Variants in CEP104 observed in about 807,000 individuals in gnomAD.
CEP104 encodes the protein centrosomal protein of 104 kDa.
In CEP104, 84 loss-of-function variants were observed where a neutral mutation model predicts 113.3. The ratio of observed to expected loss-of-function variants is 0.74; its 90% CI spans 0.62 to 0.89. The LOEUF (loss-of-function observed/expected upper bound fraction) is 0.89. Among genes scored for constraint, CEP104 ranks in the 40% least tolerant of loss-of-function variants. CEP104 has a pLI of 0.00. For missense variants in CEP104, 1,053 were observed against 1,156.6 expected (o/e 0.91, Z 1.30); for synonymous variants, 378 against 421.7 (o/e 0.90, Z 1.27).
intron 15 of CEP104, among the ~76,000 whole-genome samples, chr1:3,827,722 G>A (rs1318525625): frequency 1.3e-5 from 2 of 152,226 alleles, no homozygotes; most frequent in East Asian, 1.9e-4. Flanking sequence ...ATTCTCCTGG[G>A]AGAGGCCTTC....
intron 4 of CEP104, among the ~76,000 whole-genome samples, chr1:3,846,460 T>C (rs1251545900): frequency 2.6e-5 from 4 of 152,220 alleles, no homozygotes; most frequent in African/African-American, 9.6e-5. Flanking sequence ...TTTAGATAGT[T>C]ACTGCTTTTA....
chr1:3,823,706 G>C lies in CEP104; in HGVS notation c.2365-144C>G. The C allele has an allele frequency of 1.0e-6, 1 of 955,066 alleles. No homozygotes were observed. The highest frequency in any genetic ancestry group is 2.5e-5 in the East Asian group (1 of 40,592). 59.2% of individuals were successfully genotyped at this position (955,066 alleles called of 1,614,324 possible). On this transcript the variant is annotated intron_variant, in intron 18 of 21. Transcript: ENST00000378230. The surrounding 1 kb of genome is among the most constrained non-coding windows in gnomAD (Gnocchi z 4.1). Reference sequence around the variant, plus strand: ...AAGTAAGCCACAGGCTTCTATCTTCGGCATTTGCCCACAGACTGTCTGGAG... The same window carrying C: ...AAGTAAGCCACAGGCTTCTATCTTCCGCATTTGCCCACAGACTGTCTGGAG...
intron 4 of CEP104, 37 bp from the exon 5 acceptor site, chr1:3,845,388 A>G: frequency 1.4e-6 from 2 of 1,387,266 alleles, no homozygotes; most frequent in Non-Finnish European, 2.0e-6. Context: ...TAAATATACA[A>G]TGTTTGAAAT....
chr1:3,851,510 T>C (rs1644610737), intron 2 of CEP104, among the ~76,000 whole-genome samples: 1 of 151,262 alleles, frequency 6.6e-6, no homozygotes, highest in Non-Finnish European at 1.5e-5. Context: ...TGGGATGGGG[T>C]GGAGGGTGGG....
rs188052979 is a variant in CEP104 at position 3,842,281 on chromosome 1, C to T, written c.567-2505G>A. On this transcript the variant is annotated intron_variant, in intron 6 of 21. Coordinates refer to ENST00000378230, the MANE Select transcript of CEP104 (RefSeq NM_014704.4). ...TTTTTTAGTAGAGACGGGGTTTCAC[C>T]GTGTTAGCCAGGATGGTCTCGATCT... Among the ~76,000 whole-genome samples the T allele has an allele frequency of 3.2e-3, 487 of 152,252 alleles. 4 individuals are homozygous for T. Among genetic ancestry groups the T allele is most frequent in the Middle Eastern group, 0.027 (8 of 294 alleles).
At chr1:3,834,878 G>T in intron 11 of CEP104, 47 bp downstream of exon 11, 2 of 1,532,380 alleles carry the variant, frequency 1.3e-6, no homozygotes, top group Non-Finnish European at 1.8e-6. Flanking sequence ...TACGGCGCAT[G>T]ATCTCATCCA....
rs1273336719 is a variant in CEP104, at chr1:3,856,451, CAAACA to C, written c.-15+433_-15+437del. On this transcript the variant is annotated intron_variant, in intron 1 of 21. Transcript: ENST00000378230. ...CTTCAGAGAAATCTGAACTTAAGTG[CAAACA>C]AAACAAAACAAACTCCAAAACAAAA... 2.0e-5 allele frequency among the ~76,000 whole-genome samples: 3 copies of C among 152,326 alleles called. No individual in the cohort carries two copies. The East Asian group carries it at 5.8e-4, about 29-fold the overall frequency.
At chr1:3,834,648 C>T (rs565159530) in intron 11 of CEP104, among the ~76,000 whole-genome samples, 29 of 152,374 alleles carry the variant, frequency 1.9e-4, no homozygotes, top group African/African-American at 6.0e-4. Context: ...TAGGCCTCTA[C>T]AAACGCCTGG....
At chr1:3,834,293 TGG>T (rs1404930183) in intron 11 of CEP104, among the ~76,000 whole-genome samples, 6 of 151,670 alleles carry the variant, frequency 4.0e-5, no homozygotes, top group Non-Finnish European at 8.8e-5. Flanking sequence ...CCTGCTTCAA[TGG>T]GTAAGCCCAA....
At position 3,826,869 on chromosome 1, in the gene CEP104, T is replaced by TG. The variant is rs5772126; in HGVS notation, c.2152-126dup. On this transcript the variant is annotated intron_variant, in intron 15 of 21. Coordinates refer to ENST00000378230, the MANE Select transcript of CEP104 (RefSeq NM_014704.4). ...GTTTTGTTTTAGAATTTCTACTGGC[T>TG]GGCAAGGTGGCTCATGCCCGTAATC... 857,607 of 985,762 alleles carry TG rather than the reference T, an allele frequency of 0.87. 376,182 individuals are homozygous for TG. The highest frequency in any genetic ancestry group is 0.98 in the African/African-American group (60,177 of 61,654). The allele number at this position is 985,762 out of a possible 1,614,324, so 61.1% of individuals were successfully genotyped here.
chr1:3,854,356 G>A (rs764927530), intron 1 of CEP104, among the ~76,000 whole-genome samples: 4 of 152,092 alleles, frequency 2.6e-5, no homozygotes, highest in Non-Finnish European at 4.4e-5. Flanking sequence ...AGGGATCAAT[G>A]CGCCAACTCT....
At chr1:3,826,765 G>A in intron 15 of CEP104, 21 bp from the exon 16 acceptor site, 2 of 1,612,918 alleles carry the variant, frequency 1.2e-6, no homozygotes, top group Non-Finnish European at 1.7e-6. Flanking sequence ...GAAACAGTGA[G>A]GTCAGGGGCA....
chr1:3,829,886 GAGGAAGGT>G lies in CEP104; in HGVS notation c.1940_1947del (p.Tyr647SerfsTer17), dbSNP rs1644167344. 6.2e-7 allele frequency: 1 copy of G among 1,614,002 alleles called. No individual in the cohort carries two copies. Among genetic ancestry groups the G allele is most frequent in the African/African-American group, 1.3e-5 (1 of 74,898 alleles). ...TTCCTGCGTGTGTTGCTGTCGTCTG[GAGGAAGGT>G]ACTCCAGGATGGAAGCCTGGTGCTG... On this transcript the variant is annotated frameshift_variant, in exon 14 of 22. Transcript: ENST00000378230. LOFTEE classifies it high-confidence loss of function.
rs919842862 is a variant in CEP104, at chr1:3,819,897, G to A, written c.2571+3277C>T. 6.6e-6 allele frequency among the ~76,000 whole-genome samples: 1 copy of A among 152,224 alleles called. No individual in the cohort carries two copies. On this transcript the variant is annotated intron_variant, in intron 20 of 21. Coordinates refer to ENST00000378230, the MANE Select transcript of CEP104 (RefSeq NM_014704.4). This position sits in a 1 kb window ranked among gnomAD's most constrained non-coding sequence, Gnocchi z 4.6. ...GAGGCCCCCGGTGCTGACGGTGGGG[G>A]CCTCTAGGAGTTGAGTGGCTCCGGG...
chr1:3,848,802 A>T (rs867103677), intron 2 of CEP104, 21 bp from the exon 3 acceptor site: 3 of 1,599,930 alleles, frequency 1.9e-6, no homozygotes, highest in Middle Eastern at 3.3e-4. Context: ...ACACATTTTT[A>T]TATTTTCTGA....
chr1:3,824,874 G>GGGA, intron 18 of CEP104, among the ~76,000 whole-genome samples: 1 of 146,392 alleles, frequency 6.8e-6, no homozygotes, highest in Non-Finnish European at 1.5e-5. Flanking sequence ...ACCGTGGGAA[G>GGGA]GGCGGCAGTG....
At chr1:3,849,134 C>T (rs904876222) in intron 2 of CEP104, among the ~76,000 whole-genome samples, 1 of 152,106 alleles carries the variant, frequency 6.6e-6, no homozygotes, top group Non-Finnish European at 1.5e-5. Context: ...GGATTTTCCA[C>T]AGGAACTCAA....
At chr1:3,816,561 G>A (rs948413067) in intron 20 of CEP104, 191 bp from the exon 21 acceptor site, 4 of 520,940 alleles carry the variant, frequency 7.7e-6, no homozygotes, top group Non-Finnish European at 1.4e-5. Flanking sequence ...GTCTGTGCAG[G>A]GTACAACTCA....
At chr1:3,846,207 T>G (rs1257007792) in intron 4 of CEP104, among the ~76,000 whole-genome samples, 1 of 152,138 alleles carries the variant, frequency 6.6e-6, no homozygotes, top group African/African-American at 2.4e-5. Flanking sequence ...TTGAAGGATC[T>G]TGGGAAATTA....
Sources: allele counts gnomAD v4.1 joint callset (sites outside exome capture counted in the v4.1 genomes callset), GRCh38; gene constraint gnomAD v4.1.1; non-coding constraint Gnocchi (gnomAD v3.1); transcripts MANE v1.5; gene names NCBI Gene and HGNC (gene_info 2026-07-23, HGNC 2026-07-21).